The following MTSS1 variants were observed in gnomAD, a reference collection of about 807,000 sequenced individuals.
MTSS1 encodes MTSS I-BAR domain containing 1.
Under a neutral mutation model 79.0 loss-of-function variants are expected in MTSS1, and 18 were observed. The ratio of observed to expected loss-of-function variants is 0.23; its 90% CI spans 0.16 to 0.34. MTSS1 has a LOEUF of 0.34. Ranked by LOEUF, MTSS1 falls within the 10% of genes least tolerant of loss-of-function variation. MTSS1 has a pLI of 1.00. For missense variants in MTSS1, 815 were observed against 986.2 expected, an observed-to-expected ratio of 0.83 and a Z score of 2.33; for synonymous variants, 341 against 368.6, an observed-to-expected ratio of 0.93 and a Z score of 0.86.
At chr8:124,668,894 C>G (rs2134580066) in intron 3 of MTSS1, among the ~76,000 whole-genome samples, 1 of 152,332 alleles carries the variant, frequency 6.6e-6, no homozygotes, top group East Asian at 1.9e-4. Context: ...CACAGGGGCC[C>G]TTTCCCACAC....
At chr8:124,615,744 A>G (rs1365012011) in intron 3 of MTSS1, among the ~76,000 whole-genome samples, 1 of 152,180 alleles carries the variant, frequency 6.6e-6, no homozygotes, top group African/African-American at 2.4e-5. Flanking sequence ...TTTAAAAACC[A>G]ATGATCTCAT....
chr8:124,575,973 C>T (rs980116817), intron 6 of MTSS1, among the ~76,000 whole-genome samples: 6 of 152,116 alleles, frequency 3.9e-5, no homozygotes, highest in Non-Finnish European at 8.8e-5. Context: ...CTCTTGAATC[C>T]ACCTGTCTTC....
intron 3 of MTSS1, among the ~76,000 whole-genome samples, chr8:124,648,716 C>CCA (rs1554694541): frequency 6.6e-6 from 1 of 151,728 alleles, no homozygotes; most frequent in African/African-American, 2.4e-5. Flanking sequence ...GCAGCCCCCC[C>CCA]CCAGATACTG....
At chr8:124,649,384 A>T (rs542606939) in intron 3 of MTSS1, among the ~76,000 whole-genome samples, 13 of 152,288 alleles carry the variant, frequency 8.5e-5, no homozygotes, top group Admixed American at 7.8e-4. Flanking sequence ...TTCCCTGAAC[A>T]AACCCCCAGC....
At chr8:124,594,436 T>A (rs756150042) in intron 3 of MTSS1, among the ~76,000 whole-genome samples, 26 of 152,124 alleles carry the variant, frequency 1.7e-4, no homozygotes, top group Non-Finnish European at 3.5e-4. Context: ...GAGGAGTAGC[T>A]TGAGAATCGC....
intron 3 of MTSS1, among the ~76,000 whole-genome samples, chr8:124,616,524 G>C (rs1836898754): frequency 6.6e-6 from 1 of 152,050 alleles, no homozygotes; most frequent in Non-Finnish European, 1.5e-5. Context: ...AAGCAAACAA[G>C]ACTGTCCCTG....
Position 124,565,771 on chromosome 8 carries a change from G to C in MTSS1, c.727-12C>G, listed in dbSNP as rs1826271765. 1 of 1,602,688 alleles carries C rather than the reference G, an allele frequency of 6.2e-7. No individual in the cohort carries two copies. ...AAGTCCAGAATCACCTAAGGGGACA[G>C]AGCCAGCTGGGTGAATGAGGTGCTG... On this transcript the variant is annotated splice_polypyrimidine_tract_variant and intron_variant, in intron 8 of 13. Coordinates refer to ENST00000518547, the MANE Select transcript of MTSS1 (RefSeq NM_014751.6).
chr8:124,709,401 A>G (rs951596937), intron 1 of MTSS1, among the ~76,000 whole-genome samples: 1 of 152,012 alleles, frequency 6.6e-6, no homozygotes, highest in South Asian at 2.1e-4. Context: ...CACAGACCCC[A>G]CTGTGGATTT....
chr8:124,695,794 T>C (rs73345844), intron 3 of MTSS1, among the ~76,000 whole-genome samples: 14,158 of 151,396 alleles, frequency 0.094, 1,215 homozygotes, highest in African/African-American at 0.23. Context: ...TCTTAGGGGC[T>C]ACCTTCTGAA....
In MTSS1 at chr8:124,727,890, G is replaced by A; in HGVS notation, c.66C>T (p.Asp22=). Residue 22 remains aspartate, a synonymous_variant, in exon 1 of 14, where the codon GAC becomes GAT. Transcript: ENST00000518547. This position sits in a 1 kb window ranked among gnomAD's most constrained non-coding sequence, Gnocchi z 4.7. ...CGCACCCCCGGCGTCCTACCTTCATGTCGCTGATGATGGTCTGGAAGAGGC... is the reference window on the plus strand; with the variant it reads ...CGCACCCCCGGCGTCCTACCTTCATATCGCTGATGATGGTCTGGAAGAGGC... ...LGGLFQTIIS[D]MKGSYPVWED... is the part of the protein sequence containing the mutation. 1 of 1,601,702 alleles carries A rather than the reference G, an allele frequency of 6.2e-7. No homozygotes were observed. Among genetic ancestry groups the A allele is most frequent in the East Asian group, 2.3e-5 (1 of 42,952 alleles).
intron 11 of MTSS1, chr8:124,556,702 G>A (rs972682706): frequency 1.1e-4 from 46 of 418,696 alleles, no homozygotes; most frequent in Middle Eastern, 1.3e-3. Context: ...ACCGGTGTAA[G>A]CTAAGGGGAC....
Position 124,637,552 on chromosome 8 carries a change from G to A in MTSS1, c.209-46317C>T, listed in dbSNP as rs532869122. ...TTGGGAAGATGGGTGCTGAACACTTGCAGAAAGCAGGAGGGAGGGGGTTAG... is the reference window on the plus strand; with the variant it reads ...TTGGGAAGATGGGTGCTGAACACTTACAGAAAGCAGGAGGGAGGGGGTTAG... On this transcript the variant is annotated intron_variant, in intron 3 of 13. Coordinates refer to ENST00000518547, the MANE Select transcript of MTSS1 (RefSeq NM_014751.6). 3.9e-5 allele frequency among the ~76,000 whole-genome samples: 6 copies of A among 152,316 alleles called. No individual in the cohort carries two copies. The South Asian group carries it at 1.2e-3, about 32-fold the overall frequency.
chr8:124,553,112 G>A lies in MTSS1; in HGVS notation c.2148C>T (p.Asp716=). ...TATCCCTTGGGCTCAGGTCTGCAGG[G>A]TCACTCTCTGGAATCTGGCCTGGGG... ...TVSPGQIPES[D]PADLSPRDTP... The change falls in exon 14 of 14, where the codon GAC becomes GAT. Residue 716 remains aspartate (D), a synonymous_variant. Coordinates refer to ENST00000518547, the MANE Select transcript of MTSS1 (RefSeq NM_014751.6). The surrounding 1 kb of genome is among the most constrained non-coding windows in gnomAD (Gnocchi z 6.0). 6.2e-7 allele frequency: 1 copy of A among 1,614,106 alleles called. No homozygotes were observed. Among genetic ancestry groups the A allele is most frequent in the Non-Finnish European group, 8.5e-7 (1 of 1,180,016 alleles).
At chr8:124,580,610 C>T (rs1829860915) in intron 6 of MTSS1, 1 of 1,532,644 alleles carries the variant, frequency 6.5e-7, no homozygotes, top group African/African-American at 1.4e-5. Context: ...ACAATTGACA[C>T]AAAAAGGAAA....
Position 124,556,340 on chromosome 8 carries a change from C to A in MTSS1, c.1296G>T (p.Lys432Asn). 1 of 1,614,210 alleles carries A rather than the reference C, an allele frequency of 6.2e-7. No individual in the cohort carries two copies. Among genetic ancestry groups the A allele is most frequent in the Non-Finnish European group, 8.5e-7 (1 of 1,180,020 alleles). Residue 432 changes from lysine (K) to asparagine (N), a missense_variant, in exon 12 of 14, where the codon AAG becomes AAT. By Grantham distance (94) the Lys-to-Asn change is moderately conservative. Around this residue, in one of 2 missense-constraint regions of MTSS1, gnomAD observed 590 missense variants for 620.8 expected, o/e 0.95. Transcript: ENST00000518547. ...CTCCCCCGTTGGGGTCCGGTTCTCG[C>A]TTCTCTTTGCGGCGCTGCAGGGTGT... ...LVNTLQRRKE[K>N]REPDPNGGGP...
At chr8:124,630,623 C>T (rs182021238) in intron 3 of MTSS1, among the ~76,000 whole-genome samples, 1 of 152,164 alleles carries the variant, frequency 6.6e-6, no homozygotes, top group Non-Finnish European at 1.5e-5. Context: ...CAGAAACATC[C>T]GGGTACCAGC....
At chr8:124,555,934 T>C (rs3793395) in intron 12 of MTSS1, 30 bp from the exon 13 acceptor site, 177,379 of 1,571,168 alleles carry the variant, frequency 0.11, 12,326 homozygotes, top group African/African-American at 0.34. Flanking sequence ...AATACACAGG[T>C]TGCTTTAGGG....
intron 2 of MTSS1, among the ~76,000 whole-genome samples, chr8:124,702,602 C>A (rs1340280306): frequency 6.6e-6 from 1 of 152,176 alleles, no homozygotes; most frequent in Non-Finnish European, 1.5e-5. Context: ...CATGGACACT[C>A]TAGTCCTATG....
At chr8:124,698,820 C>T (rs1215302803) in intron 3 of MTSS1, among the ~76,000 whole-genome samples, 1 of 152,134 alleles carries the variant, frequency 6.6e-6, no homozygotes, top group Non-Finnish European at 1.5e-5. Flanking sequence ...CCGCGCCTGA[C>T]CATAATGTTG....
Sources: gnomAD v4.1 joint callset for allele counts (sites outside exome capture counted in the v4.1 genomes callset) on GRCh38, gnomAD v4.1.1 for gene constraint, gnomAD v4.1.1 regional missense constraint, Gnocchi (gnomAD v3.1) non-coding constraint, MANE v1.5 for transcripts, NCBI Gene and HGNC (gene_info 2026-07-23, HGNC 2026-07-21) for gene names.